DCP1A: variants seen among roughly 807,000 people sequenced by gnomAD.
The protein encoded by DCP1A is decapping mRNA 1A.
In DCP1A, 20 loss-of-function variants were observed where a neutral mutation model predicts 58.0. The ratio of observed to expected loss-of-function variants is 0.34; its 90% CI spans 0.24 to 0.50. DCP1A has a LOEUF of 0.50. Among genes scored for constraint, DCP1A ranks in the 20% least tolerant of loss-of-function variants. DCP1A has a pLI of 0.98. For synonymous variants in DCP1A, 285 were observed against 275.1 expected, an observed-to-expected ratio of 1.04 and a Z score of -0.36; for missense variants, 613 against 712.2, an observed-to-expected ratio of 0.86 and a Z score of 1.59.
intron 6 of DCP1A, among the ~76,000 whole-genome samples, chr3:53,300,019 C>T (rs782194315): frequency 5.9e-5 from 9 of 152,110 alleles, no homozygotes; most frequent in Non-Finnish European, 1.2e-4. Context: ...AGGCGTATGC[C>T]ATCACGCCCG....
At chr3:53,306,701 G>A (rs888734145) in intron 5 of DCP1A, among the ~76,000 whole-genome samples, 6 of 148,394 alleles carry the variant, frequency 4.0e-5, no homozygotes, top group Non-Finnish European at 7.4e-5. Flanking sequence ...AACCCAAGAG[G>A]CAGAGCTTGC....
intron 4 of DCP1A, among the ~76,000 whole-genome samples, chr3:53,316,308 T>C (rs1448623063): frequency 2.0e-5 from 3 of 152,216 alleles, no homozygotes; most frequent in African/African-American, 4.8e-5. Flanking sequence ...TAGTCTTCTT[T>C]AGTTTTGGTG....
In DCP1A at chr3:53,286,353, AAG is replaced by A. The variant is rs1184979359; in HGVS notation, c.*1225_*1226del. 6.6e-6 allele frequency: 1 copy of A among 152,264 alleles called. No homozygotes were observed. Among genetic ancestry groups the A allele is most frequent in the Non-Finnish European group, 1.5e-5 (1 of 68,048 alleles). The allele number at this position is 152,264 out of a possible 1,614,324, so 9.4% of individuals were successfully genotyped here. ...CAAAATGACCTGTATCATAGAAACG[AAG>A]ACACTTTCATTCAAAGAATATCTTA... On this transcript the variant is annotated 3_prime_UTR_variant, in exon 10 of 10. Transcript: ENST00000610213.
At chr3:53,307,941 T>C (rs1403680217) in intron 5 of DCP1A, among the ~76,000 whole-genome samples, 2 of 152,158 alleles carry the variant, frequency 1.3e-5, no homozygotes, top group Non-Finnish European at 2.9e-5. Context: ...TTTCAAAAAC[T>C]TCATTCTACC....
At chr3:53,300,431 G>A (rs1489878516) in intron 6 of DCP1A, among the ~76,000 whole-genome samples, 2 of 150,166 alleles carry the variant, frequency 1.3e-5, no homozygotes, top group African/African-American at 2.5e-5. Context: ...TCCGCCTCCC[G>A]GGTTCAAGCG....
rs201618920 is a variant in DCP1A, at chr3:53,316,255, G to GT, written c.371+3151dup. On this transcript the variant is annotated intron_variant, in intron 4 of 9. Coordinates refer to ENST00000610213, the MANE Select transcript of DCP1A (RefSeq NM_018403.7). ...ATGTAGCAAACAACAACAACAAAAAGTAACAAACAGGTTTATGCAGGCAGA... is the reference window on the plus strand; with the variant it reads ...ATGTAGCAAACAACAACAACAAAAAGTTAACAAACAGGTTTATGCAGGCAGA... Among the ~76,000 whole-genome samples, 650 of 152,308 alleles carry GT rather than the reference G, an allele frequency of 4.3e-3. 4 individuals carry two copies. Among genetic ancestry groups the GT allele is most frequent in the African/African-American group, 0.015 (609 of 41,554 alleles).
At chr3:53,326,132 C>T (rs1029646171) in intron 3 of DCP1A, among the ~76,000 whole-genome samples, 1 of 152,106 alleles carries the variant, frequency 6.6e-6, no homozygotes, top group Non-Finnish European at 1.5e-5. Context: ...AAATTTGGTG[C>T]CTCTGTCTAA....
intron 6 of DCP1A, among the ~76,000 whole-genome samples, chr3:53,299,398 A>G (rs1445710402): frequency 6.6e-6 from 1 of 152,176 alleles, no homozygotes; most frequent in Non-Finnish European, 1.5e-5. Context: ...TGTTAGTCTG[A>G]CCGTTTAGCT....
In DCP1A at chr3:53,325,635, A is replaced by G. The variant is rs150367510; in HGVS notation, c.305-6162T>C. Among the ~76,000 whole-genome samples the G allele has an allele frequency of 1.6e-3, 243 of 152,386 alleles. 3 individuals carry two copies. The South Asian group carries it at 0.027, about 17-fold the overall frequency. On this transcript the variant is annotated intron_variant, in intron 3 of 9. Coordinates refer to ENST00000610213, the MANE Select transcript of DCP1A (RefSeq NM_018403.7). ...AGAAAAATGGAATAGGTATATAAAC[A>G]TAAGTCAGGCCTGGCAAGTGAAAAG... is the stretch of plus-strand genomic sequence containing the variant.
intron 6 of DCP1A, among the ~76,000 whole-genome samples, chr3:53,303,631 G>C (rs1707377375): frequency 1.3e-5 from 2 of 152,202 alleles, no homozygotes; most frequent in Non-Finnish European, 2.9e-5. Flanking sequence ...AGGCTTGAGG[G>C]AGTAAAGGGA....
intron 5 of DCP1A, 75 bp from the exon 6 acceptor site, chr3:53,304,365 G>A (rs1338589224): frequency 3.1e-6 from 3 of 977,934 alleles, no homozygotes; most frequent in African/African-American, 3.3e-5. Flanking sequence ...AACAGCATCT[G>A]AGGTTATCAA....
At chr3:53,323,553 A>T (rs1708030502) in intron 3 of DCP1A, among the ~76,000 whole-genome samples, 1 of 152,194 alleles carries the variant, frequency 6.6e-6, no homozygotes, top group Admixed American at 6.5e-5. Context: ...ATACCAAAAC[A>T]ATACACAGTG....
intron 7 of DCP1A, among the ~76,000 whole-genome samples, chr3:53,291,394 C>T (rs1553685963): frequency 1.3e-5 from 2 of 151,788 alleles, no homozygotes; most frequent in African/African-American, 4.8e-5. Context: ...CTATAATCAC[C>T]CTGTTGTGTT....
At chr3:53,339,995 A>G (rs1297810403) in intron 3 of DCP1A, among the ~76,000 whole-genome samples, 1 of 152,058 alleles carries the variant, frequency 6.6e-6, no homozygotes. Flanking sequence ...ATCATGGCTC[A>G]CTGCAGCCTG....
chr3:53,327,255 G>C (rs1215832759), intron 3 of DCP1A, among the ~76,000 whole-genome samples: 3 of 152,130 alleles, frequency 2.0e-5, no homozygotes, highest in African/African-American at 7.2e-5. Flanking sequence ...ATCCACAGCA[G>C]GGTTGTAAGC....
In DCP1A at chr3:53,335,117, G is replaced by GTA. The variant is rs145672442; in HGVS notation, c.304+7025_304+7026dup. ...TGTGTGTGTGTGTGCACGCGCATGT[G>GTA]TATATATATATATTTTTTTTATTTT... On this transcript the variant is annotated intron_variant, in intron 3 of 9. Transcript: ENST00000610213. 0.013 allele frequency among the ~76,000 whole-genome samples: 1,920 copies of GTA among 149,714 alleles called. 104 individuals carry two copies. In the South Asian group the frequency reaches 0.14, roughly 11 times the overall value.
rs569321569 is a variant in DCP1A at position 53,347,094 on chromosome 3, G to A, written c.135+289C>T. On this transcript the variant is annotated intron_variant, in intron 1 of 9. Transcript: ENST00000610213. ...AACTCCCAATGTATCTGCAAAGAAG[G>A]CAGGTCGCCCACGTCCCCAGACCCG... Among the ~76,000 whole-genome samples, 25 of 152,272 alleles carry A rather than the reference G, an allele frequency of 1.6e-4. No homozygotes were observed. In the South Asian group the frequency reaches 5.2e-3, roughly 32 times the overall value.
At chr3:53,338,976 A>G (rs782147019) in intron 3 of DCP1A, among the ~76,000 whole-genome samples, 3 of 152,206 alleles carry the variant, frequency 2.0e-5, no homozygotes, top group Admixed American at 6.5e-5. Context: ...TTTGAATGAA[A>G]GAAGTTGGAT....
rs558320673 is a variant in DCP1A at position 53,288,964 on chromosome 3, G to A, written c.1450-681C>T. ...CAGGAGGTGGAGGTTGCAGTGAGCC[G>A]AGACTGCACCATTGCACTCCAGCCT... On this transcript the variant is annotated intron_variant, in intron 8 of 9. Transcript: ENST00000610213. Among the ~76,000 whole-genome samples the A allele has an allele frequency of 6.6e-5, 10 of 151,962 alleles. No homozygotes were observed. The South Asian group carries it at 1.7e-3, about 25-fold the overall frequency.
Sources: gnomAD v4.1 joint callset for allele counts (sites outside exome capture counted in the v4.1 genomes callset) on GRCh38, gnomAD v4.1.1 for gene constraint, MANE v1.5 for transcripts, NCBI Gene and HGNC (gene_info 2026-07-23, HGNC 2026-07-21) for gene names.